PPHLN1: variants seen among roughly 807,000 people sequenced by gnomAD.
PPHLN1 encodes periphilin 1.
PPHLN1 carries 29 observed loss-of-function variants against 51.3 expected under a neutral mutation model. The observed-to-expected ratio is 0.57, with a 90% CI of 0.42 to 0.77. The LOEUF (loss-of-function observed/expected upper bound fraction) is 0.77. PPHLN1 is among the 30% of genes least tolerant of loss of function. The pLI, the probability that PPHLN1 is intolerant of heterozygous loss-of-function variation, is 0.00. For synonymous variants in PPHLN1, 147 were observed against 147.8 expected, an observed-to-expected ratio of 0.99 and a Z score of 0.04; for missense variants, 436 against 438.4, an observed-to-expected ratio of 0.99 and a Z score of 0.05.
chr12:42,351,752 A>C, intron 2 of PPHLN1, 133 bp from the exon 3 acceptor site: 1 of 603,528 alleles, frequency 1.7e-6, no homozygotes, highest in Non-Finnish European at 2.6e-6. Context: ...TATTTATGTT[A>C]TTTCATTAAC....
chr12:42,409,157 T>G (rs1231486293), intron 9 of PPHLN1, among the ~76,000 whole-genome samples: 4 of 152,164 alleles, frequency 2.6e-5, no homozygotes, highest in African/African-American at 9.7e-5. Context: ...GACCTTGGAT[T>G]ACTGGAACTA....
intron 9 of PPHLN1, among the ~76,000 whole-genome samples, chr12:42,413,378 T>C (rs1165666044): frequency 1.3e-5 from 2 of 152,194 alleles, no homozygotes; most frequent in African/African-American, 4.8e-5. Flanking sequence ...GGGTGTCCTT[T>C]CCTGAATTTA....
At chr12:42,447,906 C>T (rs571775609), downstream of PPHLN1, 71 of 152,018 alleles carry the variant, frequency 4.7e-4, no homozygotes, top group African/African-American at 1.7e-3. Context: ...TTATTTTTGC[C>T]ATTTAGATGT....
At chr12:42,425,237 GC>G (rs1417360860) in intron 9 of PPHLN1, among the ~76,000 whole-genome samples, 1 of 146,034 alleles carries the variant, frequency 6.8e-6, no homozygotes, top group Non-Finnish European at 1.5e-5. Context: ...GCACCACCAT[GC>G]CTGGCTAATT....
intron 4 of PPHLN1, chr12:42,355,748 C>CT (rs1290234311): frequency 1.5e-5 from 1 of 65,222 alleles, no homozygotes; most frequent in Non-Finnish European, 3.1e-5. Context: ...GAGACTCCGT[C>CT]TAAAAAAAAA....
intron 1 of PPHLN1, chr12:42,332,548 G>A (rs950082339): frequency 1.6e-5 from 11 of 673,984 alleles, no homozygotes; most frequent in African/African-American, 9.4e-5. Context: ...TGTTTGAAGC[G>A]AGTTTGGCCT....
rs75878947 is a variant in PPHLN1 at position 42,385,421 on chromosome 12, A to C, written c.568+425A>C. Among the ~76,000 whole-genome samples the C allele has an allele frequency of 7.3e-3, 1,111 of 152,286 alleles. 42 individuals carry two copies. In the East Asian group the frequency reaches 0.09, roughly 12 times the overall value. ...TGATAAACCTCCTGCACCACCCTTC[A>C]GTGTTCCTTTGCTTTTGCACATGAA... is the stretch of plus-strand genomic sequence containing the variant. On this transcript the variant is annotated intron_variant, in intron 6 of 9. Coordinates refer to ENST00000358314, the MANE Select transcript of PPHLN1 (RefSeq NM_201439.2).
intron 5 of PPHLN1, among the ~76,000 whole-genome samples, chr12:42,382,520 A>G (rs1488302905): frequency 1.3e-5 from 2 of 152,170 alleles, no homozygotes; most frequent in Admixed American, 6.5e-5. Flanking sequence ...TCTGCTTACA[A>G]AGATCATGTG....
intron 5 of PPHLN1, among the ~76,000 whole-genome samples, chr12:42,382,234 T>A (rs56829264): frequency 0.013 from 1,978 of 152,344 alleles, 42 homozygotes; most frequent in African/African-American, 0.044. Flanking sequence ...TGTTGTGTAA[T>A]GTTAAGCTGC....
In PPHLN1 at chr12:42,349,493, A is replaced by G. The variant is rs1208492738; in HGVS notation, c.73-2392A>G. Among the ~76,000 whole-genome samples, 4 of 151,928 alleles carry G rather than the reference A, an allele frequency of 2.6e-5. No individual in the cohort carries two copies. The South Asian group carries it at 6.3e-4, about 24-fold the overall frequency. ...AGGGTCATAGGACAATAGTGGAGAGAAGGTCAGCAGATAAACATGTGAACA... is the reference window on the plus strand; with the variant it reads ...AGGGTCATAGGACAATAGTGGAGAGGAGGTCAGCAGATAAACATGTGAACA... On this transcript the variant is annotated intron_variant, in intron 2 of 9. Transcript: ENST00000358314.
intron 2 of PPHLN1, among the ~76,000 whole-genome samples, chr12:42,351,136 T>G (rs1157056269): frequency 1.3e-5 from 2 of 152,176 alleles, no homozygotes; most frequent in African/African-American, 4.8e-5. Context: ...TGATGTGTCA[T>G]GAATGCCCAA....
rs1474022042 is a variant in PPHLN1, at chr12:42,426,201, CACACACACACACACACACACACACACA to C, written c.910-15113_910-15087del. Reference sequence around the variant, plus strand: ...ACACACACACACACACACACACACACACACACACACACACACACACACACACACCCTCATGCATTGTCTCATGGCAGT... The same window carrying C: ...ACACACACACACACACACACACACACCCCTCATGCATTGTCTCATGGCAGT... On this transcript the variant is annotated intron_variant, in intron 9 of 9. Transcript: ENST00000358314. Among the ~76,000 whole-genome samples the C allele has an allele frequency of 3.3e-5, 5 of 149,588 alleles. No homozygotes were observed. The South Asian group carries it at 1.1e-3, about 32-fold the overall frequency.
intron 9 of PPHLN1, 30 bp from the exon 10 acceptor site, chr12:42,441,285 C>T (rs1205884777): frequency 6.4e-7 from 1 of 1,570,288 alleles, no homozygotes; most frequent in East Asian, 2.3e-5. Context: ...TTTTCATTCT[C>T]AGCTAACCAG....
intron 9 of PPHLN1, among the ~76,000 whole-genome samples, chr12:42,426,573 G>A (rs992345342): frequency 6.6e-6 from 1 of 152,060 alleles, no homozygotes; most frequent in Admixed American, 6.6e-5. Flanking sequence ...ATAATACAAA[G>A]GTCTATATGA....
At chr12:42,369,933 C>T (rs2075640481) in intron 4 of PPHLN1, among the ~76,000 whole-genome samples, 1 of 152,230 alleles carries the variant, frequency 6.6e-6, no homozygotes, top group Non-Finnish European at 1.5e-5. Context: ...TCTATCCAAT[C>T]TGCCTCTGTA....
chr12:42,396,440 A>G (rs900668580), intron 8 of PPHLN1, among the ~76,000 whole-genome samples: 1 of 152,012 alleles, frequency 6.6e-6, no homozygotes, highest in Non-Finnish European at 1.5e-5. Context: ...TTGTAGAGAT[A>G]TAATTTGCTG....
intron 2 of PPHLN1, chr12:42,343,796 A>G: frequency 2.7e-6 from 1 of 371,812 alleles, no homozygotes; most frequent in South Asian, 2.0e-5. Flanking sequence ...ACATTCTCGA[A>G]TAAGATGCCT....
At chr12:42,362,991 A>G (rs1701889482) in intron 4 of PPHLN1, among the ~76,000 whole-genome samples, 1 of 152,168 alleles carries the variant, frequency 6.6e-6, no homozygotes. Context: ...AGTGTTCCTC[A>G]GTTGTGACCC....
chr12:42,392,983 A>G (rs1344137097), intron 7 of PPHLN1, among the ~76,000 whole-genome samples: 3 of 152,186 alleles, frequency 2.0e-5, no homozygotes, highest in Non-Finnish European at 2.9e-5. Flanking sequence ...CAAGTCATTA[A>G]ACTGCGATTC....
Sources: allele counts gnomAD v4.1 joint callset (sites outside exome capture counted in the v4.1 genomes callset), GRCh38; gene constraint gnomAD v4.1.1; transcripts MANE v1.5; gene names NCBI Gene and HGNC (gene_info 2026-07-23, HGNC 2026-07-21).